AHR: variants seen among roughly 807,000 people sequenced by gnomAD.
AHR encodes aryl hydrocarbon receptor, also known as AH-receptor.
In AHR, 40 loss-of-function variants were observed where a neutral mutation model predicts 86.8. The observed-to-expected ratio is 0.46, with a 90% CI of 0.36 to 0.60. AHR has a LOEUF of 0.60. AHR is among the 20% of genes least tolerant of loss of function. The pLI is 0.00. For synonymous variants in AHR, 398 were observed against 354.9 expected (o/e 1.12, Z -1.37); for missense variants, 1,001 against 1,011.6 (o/e 0.99, Z 0.14).
chr7:17,324,541 G>A (rs542105537), intron 3 of AHR, among the ~76,000 whole-genome samples: 9 of 152,268 alleles, frequency 5.9e-5, no homozygotes, highest in South Asian at 4.1e-4. Context: ...GGTGGCTCAC[G>A]CCTGTGATCC....
chr7:17,330,622 G>A, intron 5 of AHR, 134 bp from the exon 6 acceptor site: 1 of 701,410 alleles, frequency 1.4e-6, no homozygotes, highest in Non-Finnish European at 2.1e-6. Context: ...CTTGTCATTA[G>A]CTCTTTTGAA....
intron 7 of AHR, among the ~76,000 whole-genome samples, 198 bp downstream of exon 7, chr7:17,334,312 C>T (rs1003830198): frequency 2.6e-5 from 4 of 151,948 alleles, no homozygotes; most frequent in Non-Finnish European, 5.9e-5. Context: ...TTTTGCAATA[C>T]TTGTCTCAAA....
rs1782391750 is a variant in AHR, at chr7:17,339,334, G to C, written c.1509G>C (p.Met503Ile). Residue 503 changes from methionine (M) to isoleucine (I), a missense_variant, in exon 10 of 11, where the codon ATG becomes ATC. By Grantham distance (10) the Met-to-Ile change is conservative. Around this residue, in one of 2 missense-constraint regions of AHR, gnomAD observed 607 missense variants for 543.1 expected, o/e 1.12. Transcript: ENST00000242057. The stretch of plus-strand genomic sequence containing the variant: ...ATTGGCAAGATAATACTGCACCGAT[G>C]GGAAATGATACTATCCTGAAACATG... Reference protein sequence around the residue: ...CRNWQDNTAPMGNDTILKHEQ... With the variant: ...CRNWQDNTAPIGNDTILKHEQ... The C allele has an allele frequency of 6.2e-7, 1 of 1,614,054 alleles. No homozygotes were observed. The highest frequency in any genetic ancestry group is 1.3e-5 in the African/African-American group (1 of 74,914).
chr7:17,330,356 A>C (rs1216603737), intron 5 of AHR, among the ~76,000 whole-genome samples: 1 of 151,962 alleles, frequency 6.6e-6, no homozygotes, highest in Non-Finnish European at 1.5e-5. Context: ...AGATGGAAGG[A>C]AGGTACAAGG....
chr7:17,319,104 A>G (rs1028454597), intron 2 of AHR, among the ~76,000 whole-genome samples: 1 of 152,122 alleles, frequency 6.6e-6, no homozygotes, highest in Admixed American at 6.6e-5. Flanking sequence ...TAATCCTATT[A>G]GATACTAATT....
chr7:17,319,249 G>T (rs915739308), intron 2 of AHR, among the ~76,000 whole-genome samples: 2 of 152,102 alleles, frequency 1.3e-5, no homozygotes, highest in African/African-American at 4.8e-5. Flanking sequence ...GATTGTCAGT[G>T]ATTGATTCCA....
At chr7:17,329,754 T>A (rs1156755674) in intron 4 of AHR, 198 bp from the exon 5 acceptor site, 2 of 380,252 alleles carry the variant, frequency 5.3e-6, no homozygotes, top group Non-Finnish European at 9.4e-6. Flanking sequence ...AACTTTTGGC[T>A]TATCTGTTGT....
At chr7:17,335,955 C>T (rs982461248) in intron 9 of AHR, 169 bp downstream of exon 9, 22 of 626,742 alleles carry the variant, frequency 3.5e-5, no homozygotes, top group Non-Finnish European at 5.0e-5. Flanking sequence ...ATAGAATTGA[C>T]GAACTTGATT....
At chr7:17,320,221 T>A (rs543624919) in intron 2 of AHR, among the ~76,000 whole-genome samples, 6 of 152,074 alleles carry the variant, frequency 3.9e-5, no homozygotes, top group Non-Finnish European at 5.9e-5. Context: ...GTTTTCTAGT[T>A]ATTTCCATAG....
Position 17,338,999 on chromosome 7 carries a change from A to G in AHR, c.1174A>G (p.Thr392Ala). ...TQRPLTDEEG[T>A]EHLRKRNTKL... ...ACACAATTTTAGAGATGAGGAAGGAACAGAGCATTTACGAAAACGAAATAC... is the reference window on the plus strand; with the variant it reads ...ACACAATTTTAGAGATGAGGAAGGAGCAGAGCATTTACGAAAACGAAATAC... The change falls in exon 10 of 11, where the codon ACA becomes GCA. Residue 392 changes from threonine (T) to alanine (A), a missense_variant. Physicochemically the swap from Thr to Ala is moderately conservative, Grantham distance 58 (BLOSUM62 0). Around this residue, in one of 2 missense-constraint regions of AHR, gnomAD observed 607 missense variants for 543.1 expected, o/e 1.12. Coordinates refer to ENST00000242057, the MANE Select transcript of AHR (RefSeq NM_001621.5). The G allele has an allele frequency of 6.2e-7, 1 of 1,613,400 alleles. No individual in the cohort carries two copies. The highest frequency in any genetic ancestry group is 8.5e-7 in the Non-Finnish European group (1 of 1,179,492).
intron 1 of AHR, 79 bp from the exon 2 acceptor site, chr7:17,309,855 TGA>T (rs1180692310): frequency 8.5e-7 from 1 of 1,169,688 alleles, no homozygotes; most frequent in Non-Finnish European, 1.2e-6. Flanking sequence ...GAGAAATATT[TGA>T]GGAGATGTTA....
intron 2 of AHR, 131 bp downstream of exon 2, chr7:17,310,254 C>T: frequency 1.2e-6 from 1 of 847,432 alleles, no homozygotes; most frequent in South Asian, 2.8e-5. Context: ...AGTAAAATTT[C>T]AGTGGCAAAG....
Position 17,300,499 on chromosome 7 carries a change from CT to C in AHR, c.65+1173del, listed in dbSNP as rs369896745. Reference sequence around the variant, plus strand: ...AGTTTCATTCTAAAATTTTAGTTTCCTTTCAGAATTTCAGTTATCATAGTTC... The same window carrying C: ...AGTTTCATTCTAAAATTTTAGTTTCCTTCAGAATTTCAGTTATCATAGTTC... On this transcript the variant is annotated intron_variant, in intron 1 of 10. Transcript: ENST00000242057. Among the ~76,000 whole-genome samples, 448 of 152,208 alleles carry C rather than the reference CT, an allele frequency of 2.9e-3. 2 individuals carry two copies. Among genetic ancestry groups the C allele is most frequent in the Middle Eastern group, 6.8e-3 (2 of 294 alleles).
chr7:17,337,064 A>C (rs1338405410), intron 9 of AHR, among the ~76,000 whole-genome samples: 1 of 152,102 alleles, frequency 6.6e-6, no homozygotes, highest in Non-Finnish European at 1.5e-5. Context: ...ATTTAATTGA[A>C]AATACTGGCT....
chr7:17,332,025 C>G (rs934824193), intron 6 of AHR, among the ~76,000 whole-genome samples: 2 of 151,870 alleles, frequency 1.3e-5, no homozygotes, highest in African/African-American at 2.4e-5. Context: ...GAGTCATGTC[C>G]TGCATAATGA....
chr7:17,334,137 T>C lies in AHR; in HGVS notation c.908+23T>C, dbSNP rs758744308. 16 of 1,574,506 alleles carry C rather than the reference T, an allele frequency of 1.0e-5. No homozygotes were observed. In the East Asian group the frequency reaches 3.6e-4, roughly 35 times the overall value. On this transcript the variant is annotated intron_variant, in intron 7 of 10. Coordinates refer to ENST00000242057, the MANE Select transcript of AHR (RefSeq NM_001621.5). Reference sequence around the variant, plus strand: ...CAAGTAAGTGAGACTTTTTCACTTTTATTTTATTGGATGTACATTATGTTT... The same window carrying C: ...CAAGTAAGTGAGACTTTTTCACTTTCATTTTATTGGATGTACATTATGTTT...
intron 1 of AHR, among the ~76,000 whole-genome samples, chr7:17,309,324 G>A (rs73079669): frequency 0.011 from 1,671 of 152,310 alleles, 13 homozygotes; most frequent in Non-Finnish European, 0.017. Context: ...AACAAGAAAT[G>A]TAAATAGCAA....
At position 17,340,182 on chromosome 7, in the gene AHR, T is replaced by G; in HGVS notation, c.2357T>G (p.Met786Arg). ...CCTCAGCACACCCACGTGGGTCAGATGCAGTACAATCCAGTACTGCCAGGC... is the reference window on the plus strand; with the variant it reads ...CCTCAGCACACCCACGTGGGTCAGAGGCAGTACAATCCAGTACTGCCAGGC... ...PEPQHTHVGQMQYNPVLPGQQ... is the reference protein window; with the variant it reads ...PEPQHTHVGQRQYNPVLPGQQ... Residue 786 changes from methionine to arginine, a missense_variant, in exon 10 of 11, where the codon ATG becomes AGG. Transcript: ENST00000242057. The G allele has an allele frequency of 6.2e-7, 1 of 1,614,202 alleles. No individual in the cohort carries two copies. Among genetic ancestry groups the G allele is most frequent in the South Asian group, 1.1e-5 (1 of 91,084 alleles).
intron 1 of AHR, among the ~76,000 whole-genome samples, chr7:17,302,114 G>A (rs1168148669): frequency 6.6e-6 from 1 of 151,754 alleles, no homozygotes; most frequent in Non-Finnish European, 1.5e-5. Context: ...TATTTTTAAG[G>A]TTTTAATCAT....
Sources: gnomAD v4.1 joint callset for allele counts (sites outside exome capture counted in the v4.1 genomes callset) on GRCh38, gnomAD v4.1.1 for gene constraint, gnomAD v4.1.1 regional missense constraint, MANE v1.5 for transcripts, NCBI Gene and HGNC (gene_info 2026-07-23, HGNC 2026-07-21) for gene names.